Variants in NOL4 observed in about 807,000 individuals in gnomAD.
NOL4 encodes the protein cancer/testis antigen 125.
In NOL4, 17 loss-of-function variants were observed where a neutral mutation model predicts 75.9. The observed-to-expected ratio is 0.22, with a 90% CI of 0.15 to 0.34. NOL4 has a LOEUF of 0.34. NOL4 is among the 10% of genes least tolerant of loss of function. The pLI is 1.00. For synonymous variants in NOL4, 292 were observed against 289.9 expected, an observed-to-expected ratio of 1.01 and a Z score of -0.07; for missense variants, 614 against 793.5, an observed-to-expected ratio of 0.77 and a Z score of 2.72.
In NOL4 at chr18:34,007,727, T is replaced by C. The variant is rs190142236; in HGVS notation, c.1056+11591A>G. On this transcript the variant is annotated intron_variant, in intron 6 of 10. Coordinates refer to ENST00000261592, the MANE Select transcript of NOL4 (RefSeq NM_003787.5). ...CAACTGCATATCAGAAGAATAAACA[T>C]CATTCATGGATTTTACCTCCTCTTC... is the stretch of plus-strand genomic sequence containing the variant. 5.9e-5 allele frequency among the ~76,000 whole-genome samples: 9 copies of C among 152,170 alleles called. No individual in the cohort carries two copies. In the East Asian group the frequency reaches 1.6e-3, roughly 26 times the overall value.
chr18:34,131,189 G>C (rs962375117), intron 1 of NOL4, among the ~76,000 whole-genome samples: 1 of 151,882 alleles, frequency 6.6e-6, no homozygotes, highest in Non-Finnish European at 1.5e-5. Context: ...TGATTAATCT[G>C]AGCAAAATCA....
intron 9 of NOL4, among the ~76,000 whole-genome samples, chr18:33,884,744 G>A (rs1390015328): frequency 6.6e-6 from 1 of 152,028 alleles, no homozygotes; most frequent in Admixed American, 6.6e-5. Flanking sequence ...AATGGAACAA[G>A]TAAATTTCAA....
intron 9 of NOL4, among the ~76,000 whole-genome samples, chr18:33,904,033 A>G (rs1219449513): frequency 6.6e-6 from 1 of 152,142 alleles, no homozygotes; most frequent in Non-Finnish European, 1.5e-5. Context: ...TTCAACACAT[A>G]AAACTTATAG....
chr18:33,951,511 G>A (rs899828311), intron 8 of NOL4, among the ~76,000 whole-genome samples: 22 of 151,884 alleles, frequency 1.4e-4, no homozygotes, highest in Non-Finnish European at 1.3e-4. Flanking sequence ...TTAGGATTGA[G>A]GTCCAATCAA....
intron 6 of NOL4, among the ~76,000 whole-genome samples, chr18:34,017,201 C>T (rs533873447): frequency 1.1e-4 from 16 of 152,190 alleles, no homozygotes; most frequent in South Asian, 4.1e-4. Context: ...TGTTTTAATA[C>T]GAGAATAAGT....
chr18:34,014,093 AT>A (rs1168841707), intron 6 of NOL4, among the ~76,000 whole-genome samples: 1 of 151,988 alleles, frequency 6.6e-6, no homozygotes, highest in Non-Finnish European at 1.5e-5. Context: ...TTAAAGAGAT[AT>A]TTTGAAACTT....
intron 5 of NOL4, among the ~76,000 whole-genome samples, chr18:34,038,073 C>T (rs942081276): frequency 1.4e-4 from 22 of 151,780 alleles, no homozygotes; most frequent in African/African-American, 4.8e-4. Context: ...CTTAAAAATT[C>T]GGCAAAGGAC....
intron 1 of NOL4, chr18:34,157,060 C>T (rs2146133508): frequency 6.6e-6 from 1 of 152,278 alleles, no homozygotes; most frequent in South Asian, 2.1e-4. Flanking sequence ...CAGCAACTTA[C>T]ATGTTTGGCT....
chr18:34,109,126 A>C (rs1385151364), intron 2 of NOL4, among the ~76,000 whole-genome samples: 2 of 152,192 alleles, frequency 1.3e-5, no homozygotes, highest in African/African-American at 4.8e-5. Flanking sequence ...AAATATCTTG[A>C]GTGCAACAAA....
intron 10 of NOL4, among the ~76,000 whole-genome samples, chr18:33,853,247 G>A (rs760510716): frequency 3.3e-5 from 5 of 152,010 alleles, no homozygotes; most frequent in Non-Finnish European, 5.9e-5. Context: ...CTCAGATGCC[G>A]AAATCAGCCT....
chr18:33,900,403 G>A (rs553769087), intron 9 of NOL4, among the ~76,000 whole-genome samples: 1 of 152,116 alleles, frequency 6.6e-6, no homozygotes, highest in Non-Finnish European at 1.5e-5. Flanking sequence ...GAGATATGGA[G>A]TGGACAAATA....
intron 1 of NOL4, among the ~76,000 whole-genome samples, chr18:34,179,191 C>G (rs1393985027): frequency 6.6e-6 from 1 of 151,408 alleles, no homozygotes; most frequent in African/African-American, 2.4e-5. Context: ...AGCAAAATAA[C>G]TTCTTTGAGC....
chr18:33,851,438 T>C lies in NOL4; in HGVS notation c.*1404A>G, dbSNP rs181429394. The C allele has an allele frequency of 1.3e-5, 2 of 152,576 alleles. No homozygotes were observed. The highest frequency in any genetic ancestry group is 1.9e-4 in the East Asian group (1 of 5,156). The allele number at this position is 152,576 out of a possible 1,614,324, so 9.5% of individuals were successfully genotyped here. The stretch of plus-strand genomic sequence containing the variant: ...CAATCACAGTCATTACTTGAAAAAC[T>C]ATATGTAACAAGTAGATAAGAAATA... On this transcript the variant is annotated 3_prime_UTR_variant, in exon 11 of 11. Transcript: ENST00000261592.
intron 1 of NOL4, among the ~76,000 whole-genome samples, chr18:34,141,225 G>T (rs1371921016): frequency 3.9e-5 from 6 of 152,102 alleles, no homozygotes; most frequent in Non-Finnish European, 8.8e-5. Flanking sequence ...TCATGGATAG[G>T]AAGAATCAAT....
intron 5 of NOL4, among the ~76,000 whole-genome samples, chr18:34,050,933 G>A (rs912031071): frequency 6.6e-6 from 1 of 151,984 alleles, no homozygotes; most frequent in African/African-American, 2.4e-5. Flanking sequence ...GGAAAGGCTT[G>A]GATACAGCCT....
intron 9 of NOL4, among the ~76,000 whole-genome samples, chr18:33,888,880 T>G (rs775026868): frequency 1.3e-5 from 2 of 151,994 alleles, no homozygotes; most frequent in Non-Finnish European, 2.9e-5. Context: ...TCTTTTTGCT[T>G]GGGATTGTCT....
At chr18:33,987,910 G>A (rs1006375331) in intron 6 of NOL4, among the ~76,000 whole-genome samples, 4 of 151,960 alleles carry the variant, frequency 2.6e-5, no homozygotes, top group Non-Finnish European at 5.9e-5. Context: ...TTTTATCAGC[G>A]GAGCTTGGTG....
chr18:33,964,052 CTA>C (rs2070371723), intron 6 of NOL4, among the ~76,000 whole-genome samples: 1 of 152,126 alleles, frequency 6.6e-6, no homozygotes, highest in African/African-American at 2.4e-5. Flanking sequence ...CTTTGCATAT[CTA>C]TGTCACAGCA....
At chr18:34,080,051 AT>A (rs996281390) in intron 5 of NOL4, among the ~76,000 whole-genome samples, 1 of 152,160 alleles carries the variant, frequency 6.6e-6, no homozygotes. Context: ...ATACCAAAAT[AT>A]TGCCCCATTT....
Sources: allele counts gnomAD v4.1 joint callset (sites outside exome capture counted in the v4.1 genomes callset), GRCh38; gene constraint gnomAD v4.1.1; transcripts MANE v1.5; gene names NCBI Gene and HGNC (gene_info 2026-07-23, HGNC 2026-07-21).